The following TAFA1 variants were observed in gnomAD, a reference collection of about 807,000 sequenced individuals.
TAFA1 encodes TAFA chemokine like family member 1.
TAFA1 carries 4 observed loss-of-function variants against 18.5 expected under a neutral mutation model. That is an observed-to-expected ratio of 0.22 (90% CI 0.11 to 0.49). The LOEUF is 0.49. Among genes scored for constraint, TAFA1 ranks in the 20% least tolerant of loss-of-function variants. TAFA1 has a pLI of 0.98. For synonymous variants in TAFA1, 56 were observed against 55.2 expected (o/e 1.01, Z -0.06); for missense variants, 147 against 169.0 (o/e 0.87, Z 0.72).
At chr3:68,397,704 G>C (rs984718799) in intron 2 of TAFA1, among the ~76,000 whole-genome samples, 4 of 152,122 alleles carry the variant, frequency 2.6e-5, no homozygotes, top group Non-Finnish European at 5.9e-5. Flanking sequence ...GGGTGAAATG[G>C]TATTTCTTGT....
At chr3:68,528,352 C>A (rs1361290537) in intron 3 of TAFA1, among the ~76,000 whole-genome samples, 1 of 152,146 alleles carries the variant, frequency 6.6e-6, no homozygotes, top group Non-Finnish European at 1.5e-5. Flanking sequence ...AAAATTCAAA[C>A]CCAGGTCCCT....
At chr3:68,228,180 A>G (rs932472202) in intron 2 of TAFA1, among the ~76,000 whole-genome samples, 2 of 152,246 alleles carry the variant, frequency 1.3e-5, no homozygotes, top group African/African-American at 4.8e-5. Flanking sequence ...AAGCATCATT[A>G]CATCCCCTGG....
intron 2 of TAFA1, among the ~76,000 whole-genome samples, chr3:68,101,883 A>C (rs1169010614): frequency 1.3e-5 from 2 of 152,144 alleles, no homozygotes; most frequent in African/African-American, 4.8e-5. Flanking sequence ...TTACTCCTTA[A>C]GCATATTTTT....
intron 3 of TAFA1, among the ~76,000 whole-genome samples, chr3:68,422,496 A>G (rs2070974184): frequency 6.6e-6 from 1 of 152,102 alleles, no homozygotes; most frequent in Non-Finnish European, 1.5e-5. Flanking sequence ...TGCCTTTTAC[A>G]GTGTTTTCAA....
intron 2 of TAFA1, among the ~76,000 whole-genome samples, chr3:68,339,345 A>T (rs1215142887): frequency 2.6e-5 from 4 of 152,236 alleles, no homozygotes; most frequent in Non-Finnish European, 4.4e-5. Flanking sequence ...TGTTAATCAT[A>T]AAGATACAGA....
At chr3:68,419,147 T>C (rs1003716373) in intron 3 of TAFA1, among the ~76,000 whole-genome samples, 39 of 152,240 alleles carry the variant, frequency 2.6e-4, no homozygotes, top group African/African-American at 9.1e-4. Context: ...AATAAAACAA[T>C]ACAGAAGCCT....
intron 3 of TAFA1, among the ~76,000 whole-genome samples, chr3:68,493,224 A>G (rs150176357): frequency 6.6e-6 from 1 of 152,294 alleles, no homozygotes; most frequent in Non-Finnish European, 1.5e-5. Flanking sequence ...GTAGTCAAAT[A>G]TAAGCGGAAT....
intron 2 of TAFA1, among the ~76,000 whole-genome samples, chr3:68,099,209 G>A (rs959447726): frequency 1.3e-5 from 2 of 152,064 alleles, no homozygotes; most frequent in Non-Finnish European, 2.9e-5. Flanking sequence ...TATCAATAGA[G>A]TAAACAGATA....
intron 2 of TAFA1, among the ~76,000 whole-genome samples, chr3:68,184,868 C>T (rs968522347): frequency 1.3e-5 from 2 of 152,124 alleles, no homozygotes; most frequent in Admixed American, 1.3e-4. Flanking sequence ...AAGCAGATTC[C>T]TATGGGCTGA....
At position 68,542,826 on chromosome 3, in the gene TAFA1, G is replaced by C. The variant is rs1028056631; in HGVS notation, c.385-1660G>C. Among the ~76,000 whole-genome samples the C allele has an allele frequency of 5.3e-5, 8 of 152,140 alleles. 1 individual carries two copies. Among genetic ancestry groups the C allele is most frequent in the Middle Eastern group, 6.3e-3 (2 of 316 alleles). On this transcript the variant is annotated intron_variant, in intron 4 of 4. Transcript: ENST00000478136. ...AAATACACCATTTACATGTGGGAAG[G>C]GGGTAGAGGAAGAGCCACTTAGGCC...
chr3:68,292,611 C>G (rs1207059501), intron 2 of TAFA1, among the ~76,000 whole-genome samples: 1 of 152,170 alleles, frequency 6.6e-6, no homozygotes, highest in Non-Finnish European at 1.5e-5. Flanking sequence ...ACCACAGCCT[C>G]GAATTCCTGG....
intron 3 of TAFA1, among the ~76,000 whole-genome samples, chr3:68,532,650 C>G (rs572769349): frequency 1.6e-4 from 25 of 152,094 alleles, no homozygotes; most frequent in African/African-American, 5.8e-4. Context: ...TCATAAGTAT[C>G]TCCATGAGAC....
intron 2 of TAFA1, among the ~76,000 whole-genome samples, chr3:68,315,790 C>T (rs1160331076): frequency 6.6e-6 from 1 of 152,148 alleles, no homozygotes; most frequent in Admixed American, 6.5e-5. Context: ...TTGACAGATG[C>T]CTTCCATGTT....
At chr3:68,225,242 G>C (rs2066783360) in intron 2 of TAFA1, among the ~76,000 whole-genome samples, 1 of 152,038 alleles carries the variant, frequency 6.6e-6, no homozygotes, top group Non-Finnish European at 1.5e-5. Context: ...TTCAGTGTTA[G>C]TTTATTTCCC....
At chr3:68,154,295 C>A (rs1263287237) in intron 2 of TAFA1, among the ~76,000 whole-genome samples, 1 of 152,112 alleles carries the variant, frequency 6.6e-6, no homozygotes, top group African/African-American at 2.4e-5. Flanking sequence ...CACTTTTTCC[C>A]ATAATCCATT....
intron 3 of TAFA1, among the ~76,000 whole-genome samples, chr3:68,517,018 C>T (rs1474700375): frequency 6.6e-6 from 1 of 152,172 alleles, no homozygotes; most frequent in Non-Finnish European, 1.5e-5. Flanking sequence ...AAGTGATCCG[C>T]CCACCTCGGC....
chr3:68,530,304 A>G (rs2073171491), intron 3 of TAFA1, among the ~76,000 whole-genome samples: 1 of 152,238 alleles, frequency 6.6e-6, no homozygotes, highest in Admixed American at 6.5e-5. Flanking sequence ...AACCATAATG[A>G]AAAACAGATT....
Position 68,540,364 on chromosome 3 carries a change from A to G in TAFA1, c.384+1484A>G, listed in dbSNP as rs78064165. Among the ~76,000 whole-genome samples, 656 of 152,264 alleles carry G rather than the reference A, an allele frequency of 4.3e-3. 8 individuals carry two copies. The highest frequency in any genetic ancestry group is 0.015 in the African/African-American group (632 of 41,548). On this transcript the variant is annotated intron_variant, in intron 4 of 4. Coordinates refer to ENST00000478136, the MANE Select transcript of TAFA1 (RefSeq NM_213609.4). ...GTTTCATTTTAATGAAACACCTACA[A>G]AAGACATTATTCAGAAATAAGCCTG...
intron 2 of TAFA1, among the ~76,000 whole-genome samples, chr3:68,178,818 C>A (rs1044216322): frequency 7.2e-5 from 11 of 152,110 alleles, no homozygotes; most frequent in Middle Eastern, 3.2e-3. Flanking sequence ...TAGTGAGATC[C>A]CTAGAAGAGA....
Sources: gnomAD v4.1 joint callset for allele counts (sites outside exome capture counted in the v4.1 genomes callset) on GRCh38, gnomAD v4.1.1 for gene constraint, MANE v1.5 for transcripts, NCBI Gene and HGNC (gene_info 2026-07-23, HGNC 2026-07-21) for gene names.